The following KIFAP3 variants were observed in gnomAD, a reference collection of about 807,000 sequenced individuals.
The protein encoded by KIFAP3 is kinesin-associated protein 3.
Under a neutral mutation model 106.5 loss-of-function variants are expected in KIFAP3, and 68 were observed. The ratio of observed to expected loss-of-function variants is 0.64; its 90% CI spans 0.53 to 0.78. The LOEUF (loss-of-function observed/expected upper bound fraction) is 0.78. Ranked by LOEUF, KIFAP3 falls within the 30% of genes least tolerant of loss-of-function variation. The probability of loss-of-function intolerance (pLI) is 0.00; values close to 1 mark genes in which losing one functional copy is unlikely to be tolerated. For missense variants in KIFAP3, 780 were observed against 941.8 expected (o/e 0.83, Z 2.25); for synonymous variants, 320 against 311.5 (o/e 1.03, Z -0.29).
intron 10 of KIFAP3, among the ~76,000 whole-genome samples, chr1:170,012,395 A>C (rs1013792524): frequency 5.3e-5 from 8 of 152,114 alleles, no homozygotes; most frequent in Non-Finnish European, 1.2e-4. Context: ...TAACAGCTAC[A>C]CACATTATAG....
In KIFAP3 at chr1:169,950,287, C is replaced by T. The variant is rs183787130; in HGVS notation, c.2273+3724G>A. Among the ~76,000 whole-genome samples the T allele has an allele frequency of 4.3e-3, 652 of 152,174 alleles. 5 individuals are homozygous for T. Among genetic ancestry groups the T allele is most frequent in the Admixed American group, 6.4e-3 (98 of 15,286 alleles). On this transcript the variant is annotated intron_variant, in intron 19 of 19. Transcript: ENST00000361580. ...CATGAGAACTGGCTGAAGAGTATGC[C>T]ACTTGGCACTGTCATATTGTTTCGT...
chr1:169,958,866 A>G (rs1265906212), intron 18 of KIFAP3, among the ~76,000 whole-genome samples: 1 of 152,226 alleles, frequency 6.6e-6, no homozygotes, highest in Non-Finnish European at 1.5e-5. Context: ...TAGACTAAGT[A>G]AAAAATACTG....
At chr1:169,970,118 C>T (rs1665829172) in intron 17 of KIFAP3, among the ~76,000 whole-genome samples, 2 of 151,928 alleles carry the variant, frequency 1.3e-5, no homozygotes, top group Non-Finnish European at 2.9e-5. Flanking sequence ...CCATGATTGC[C>T]TTCATGGAAG....
chr1:170,066,582 T>C (rs1010012523), intron 1 of KIFAP3, among the ~76,000 whole-genome samples: 11 of 152,086 alleles, frequency 7.2e-5, no homozygotes, highest in Admixed American at 1.3e-4. Context: ...AGGTAAATCT[T>C]GAATTTGAGG....
chr1:169,977,841 A>G (rs1558213475), intron 16 of KIFAP3, among the ~76,000 whole-genome samples: 1 of 152,118 alleles, frequency 6.6e-6, no homozygotes, highest in Non-Finnish European at 1.5e-5. Context: ...AAGTTCTGAT[A>G]TGTTTGTTAA....
Position 170,046,603 on chromosome 1 carries a change from C to G in KIFAP3, c.319+109G>C, listed in dbSNP as rs1670270824. 5 of 863,526 alleles carry G rather than the reference C, an allele frequency of 5.8e-6. No homozygotes were observed. In the East Asian group the frequency reaches 1.4e-4, roughly 24 times the overall value. 53.5% of individuals were successfully genotyped at this position (863,526 alleles called of 1,614,324 possible). ...CATAACACTGGTGAAAAAAACCTACCCAACATCAAATATCAATAGTTTGAT... is the reference window on the plus strand; with the variant it reads ...CATAACACTGGTGAAAAAAACCTACGCAACATCAAATATCAATAGTTTGAT... On this transcript the variant is annotated intron_variant, in intron 3 of 19. Transcript: ENST00000361580.
intron 3 of KIFAP3, among the ~76,000 whole-genome samples, chr1:170,045,612 G>C (rs535925399): frequency 6.6e-6 from 1 of 152,274 alleles, no homozygotes; most frequent in South Asian, 2.1e-4. Flanking sequence ...AGAAACTATA[G>C]TATACCTGTT....
At chr1:170,081,653 T>C (rs1195525081) in intron 1 of KIFAP3, among the ~76,000 whole-genome samples, 2 of 152,214 alleles carry the variant, frequency 1.3e-5, no homozygotes, top group East Asian at 3.8e-4. Context: ...CACAGGTCCT[T>C]CTTCTCTTAT....
intron 19 of KIFAP3, among the ~76,000 whole-genome samples, chr1:169,927,539 T>G (rs1467815126): frequency 6.6e-6 from 1 of 152,202 alleles, no homozygotes; most frequent in African/African-American, 2.4e-5. Context: ...TGTATTTCTT[T>G]CCCATTAGAA....
At chr1:169,970,782 C>T (rs1256261601) in intron 17 of KIFAP3, among the ~76,000 whole-genome samples, 1 of 151,984 alleles carries the variant, frequency 6.6e-6, no homozygotes, top group Non-Finnish European at 1.5e-5. Flanking sequence ...TCACATTCTC[C>T]CTTGATGGTC....
intron 11 of KIFAP3, among the ~76,000 whole-genome samples, chr1:169,988,272 T>C (rs943040064): frequency 2.6e-5 from 4 of 152,046 alleles, no homozygotes; most frequent in Non-Finnish European, 4.4e-5. Context: ...TGGGTCAAAA[T>C]GGTGACAAAG....
intron 1 of KIFAP3, among the ~76,000 whole-genome samples, chr1:170,081,418 T>A (rs1391628854): frequency 6.6e-6 from 1 of 152,184 alleles, no homozygotes; most frequent in Non-Finnish European, 1.5e-5. Flanking sequence ...AAACTTAAAT[T>A]TATTGTCTTA....
chr1:169,966,340 CAAT>C (rs941181826), intron 17 of KIFAP3, among the ~76,000 whole-genome samples: 8 of 151,388 alleles, frequency 5.3e-5, no homozygotes, highest in Non-Finnish European at 1.0e-4. Flanking sequence ...AAAGATCCAA[CAAT>C]GATTCCAGAA....
chr1:170,053,154 T>C (rs1670661392), intron 2 of KIFAP3, among the ~76,000 whole-genome samples: 3 of 152,200 alleles, frequency 2.0e-5, no homozygotes, highest in Admixed American at 2.0e-4. Flanking sequence ...ATTCTCAGTA[T>C]ACAAAATCCA....
chr1:170,042,160 T>A (rs1050705399), intron 3 of KIFAP3, among the ~76,000 whole-genome samples: 1 of 152,230 alleles, frequency 6.6e-6, no homozygotes, highest in Admixed American at 6.5e-5. Flanking sequence ...TAATTTTGTC[T>A]TGGTCGATAC....
intron 10 of KIFAP3, among the ~76,000 whole-genome samples, chr1:169,999,226 T>C (rs368787307): frequency 1.3e-5 from 2 of 152,202 alleles, no homozygotes; most frequent in African/African-American, 2.4e-5. Flanking sequence ...AAAAATCTTA[T>C]ATACCCTAAG....
chr1:170,012,489 G>A (rs957639774), intron 10 of KIFAP3, among the ~76,000 whole-genome samples: 2 of 151,976 alleles, frequency 1.3e-5, no homozygotes, highest in African/African-American at 4.8e-5. Flanking sequence ...TTAAAATTAC[G>A]TTCAAGATAT....
chr1:169,948,529 G>A (rs1012728235), intron 19 of KIFAP3, among the ~76,000 whole-genome samples: 11 of 151,930 alleles, frequency 7.2e-5, no homozygotes, highest in Non-Finnish European at 1.3e-4. Context: ...TTACAATGCT[G>A]AACAAATGGT....
Position 169,940,777 on chromosome 1 carries a change from T to C in KIFAP3, c.2273+13234A>G, listed in dbSNP as rs609870. The stretch of plus-strand genomic sequence containing the variant: ...AGAATACCATTTAAAATAATACAAT[T>C]AGAATAAAGATTGTGTATGTCACTG... On this transcript the variant is annotated intron_variant, in intron 19 of 19. Coordinates refer to ENST00000361580, the MANE Select transcript of KIFAP3 (RefSeq NM_014970.4). 9.9e-3 allele frequency among the ~76,000 whole-genome samples: 1,509 copies of C among 152,176 alleles called. 25 individuals are homozygous for C. Among genetic ancestry groups the C allele is most frequent in the African/African-American group, 0.035 (1,446 of 41,498 alleles).
Sources: gnomAD v4.1 joint callset for allele counts (sites outside exome capture counted in the v4.1 genomes callset) on GRCh38, gnomAD v4.1.1 for gene constraint, MANE v1.5 for transcripts, NCBI Gene and HGNC (gene_info 2026-07-23, HGNC 2026-07-21) for gene names.